DYRK3: variants seen among roughly 807,000 people sequenced by gnomAD.
The protein encoded by DYRK3 is dual specificity tyrosine-phosphorylation-regulated kinase 3.
A neutral mutation model predicts 40.8 loss-of-function variants in DYRK3; 30 were observed. The ratio of observed to expected loss-of-function variants is 0.74; its 90% CI spans 0.55 to 1.00. The LOEUF is 1.00. DYRK3 is among the 50% of genes least tolerant of loss of function. The pLI is 0.00. For synonymous variants in DYRK3, 272 were observed against 260.7 expected, an observed-to-expected ratio of 1.04 and a Z score of -0.42; for missense variants, 699 against 731.5, an observed-to-expected ratio of 0.96 and a Z score of 0.51.
chr1:206,636,043 C>A, intron 1 of DYRK3: 1 of 1,481,668 alleles, frequency 6.7e-7, no homozygotes, highest in African/African-American at 1.4e-5. Flanking sequence ...CCTCTGAAAC[C>A]CTAGATCGGG....
intron 2 of DYRK3, among the ~76,000 whole-genome samples, chr1:206,642,926 A>G (rs1489994147): frequency 6.6e-6 from 1 of 151,434 alleles, no homozygotes; most frequent in East Asian, 1.9e-4. Flanking sequence ...ACTTATAATA[A>G]TAATAATAAA....
rs1373662841 is a variant in DYRK3, at chr1:206,652,984, A to C, written c.*4019A>C. Among the ~76,000 whole-genome samples, 1 of 152,186 alleles carries C rather than the reference A, an allele frequency of 6.6e-6. No homozygotes were observed. Among genetic ancestry groups the C allele is most frequent in the Non-Finnish European group, 1.5e-5 (1 of 68,040 alleles). On this transcript the variant is annotated 3_prime_UTR_variant, in exon 3 of 3. Coordinates refer to ENST00000367109, the MANE Select transcript of DYRK3 (RefSeq NM_003582.4). ...TTTCTGACACGGTGAGAGTTGGGTT[A>C]GAATTTTTATTTCATTCCCCAAGTC...
At chr1:206,639,793 T>C (rs1553419017) in intron 2 of DYRK3, among the ~76,000 whole-genome samples, 1 of 152,016 alleles carries the variant, frequency 6.6e-6, no homozygotes, top group African/African-American at 2.4e-5. Flanking sequence ...AGTTAGCCGA[T>C]GCTATTTACC....
intron 1 of DYRK3, chr1:206,636,741 C>G: frequency 2.1e-6 from 1 of 487,534 alleles, no homozygotes; most frequent in Non-Finnish European, 3.7e-6. Context: ...CATAGTGTAT[C>G]ATGTAAAATG....
In DYRK3 at chr1:206,639,213, C is replaced by T. The variant is rs1271230698; in HGVS notation, c.189+1452C>T. Among the ~76,000 whole-genome samples, 7 of 152,010 alleles carry T rather than the reference C, an allele frequency of 4.6e-5. No homozygotes were observed. The East Asian group carries it at 9.7e-4, about 21-fold the overall frequency. On this transcript the variant is annotated intron_variant, in intron 2 of 2. Transcript: ENST00000367109. The stretch of plus-strand genomic sequence containing the variant: ...CTTTCAACACTAGTAGTATACAAAA[C>T]GTGAGCTAAAAATATTTTGAAGGCT...
chr1:206,639,715 T>C (rs12073237), intron 2 of DYRK3, among the ~76,000 whole-genome samples: 122,503 of 151,856 alleles, frequency 0.81, 49,672 homozygotes, highest in Non-Finnish European at 0.84. Flanking sequence ...CCACCTCAGC[T>C]CCCCAAAGTG....
In DYRK3 at chr1:206,651,184, C is replaced by T. The variant is rs1553421258; in HGVS notation, c.*2219C>T. Among the ~76,000 whole-genome samples, 8 of 152,180 alleles carry T rather than the reference C, an allele frequency of 5.3e-5. No homozygotes were observed. Among genetic ancestry groups the T allele is most frequent in the Non-Finnish European group, 1.5e-5 (1 of 68,040 alleles). On this transcript the variant is annotated 3_prime_UTR_variant, in exon 3 of 3. Coordinates refer to ENST00000367109, the MANE Select transcript of DYRK3 (RefSeq NM_003582.4). ...CTAAATGCTGCTCATAACCCATCCT[C>T]CTCTTCTTTATTCATCACTGCCTTC...
At position 206,651,543 on chromosome 1, in the gene DYRK3, CA is replaced by C. The variant is rs1221798400; in HGVS notation, c.*2584del. Among the ~76,000 whole-genome samples, 1 of 152,160 alleles carries C rather than the reference CA, an allele frequency of 6.6e-6. No homozygotes were observed. The highest frequency in any genetic ancestry group is 1.5e-5 in the Non-Finnish European group (1 of 68,034). ...TAGGGTGTAAAAGCTCATATCTACT[CA>C]AAAAACTCAAATCTACTCTTTCAGT... On this transcript the variant is annotated 3_prime_UTR_variant, in exon 3 of 3. Coordinates refer to ENST00000367109, the MANE Select transcript of DYRK3 (RefSeq NM_003582.4).
intron 2 of DYRK3, among the ~76,000 whole-genome samples, chr1:206,639,750 G>A (rs1279372832): frequency 6.6e-6 from 1 of 151,014 alleles, no homozygotes; most frequent in Non-Finnish European, 1.5e-5. Flanking sequence ...GCAAGCCACC[G>A]CGCCCAGCCA....
At position 206,652,808 on chromosome 1, in the gene DYRK3, A is replaced by G. The variant is rs1312215764; in HGVS notation, c.*3843A>G. Reference sequence around the variant, plus strand: ...CCCAGCCATAGCAATGAGTGACTGAATTGGATCAGAGTTAGTACAGAAATT... The same window carrying G: ...CCCAGCCATAGCAATGAGTGACTGAGTTGGATCAGAGTTAGTACAGAAATT... On this transcript the variant is annotated 3_prime_UTR_variant, in exon 3 of 3. Transcript: ENST00000367109. Among the ~76,000 whole-genome samples, 4 of 152,156 alleles carry G rather than the reference A, an allele frequency of 2.6e-5. No homozygotes were observed. The highest frequency in any genetic ancestry group is 1.3e-4 in the Admixed American group (2 of 15,280).
rs1174285003 is a variant in DYRK3 at position 206,651,054 on chromosome 1, TG to T, written c.*2090del. Among the ~76,000 whole-genome samples the T allele has an allele frequency of 6.6e-6, 1 of 152,256 alleles. No homozygotes were observed. Among genetic ancestry groups the T allele is most frequent in the African/African-American group, 2.4e-5 (1 of 41,472 alleles). ...AATTTTCTTTCTTTTTTTCTAAGTC[TG>T]CATCCTATCTCTTGATTCCATTGCC... On this transcript the variant is annotated 3_prime_UTR_variant, in exon 3 of 3. Coordinates refer to ENST00000367109, the MANE Select transcript of DYRK3 (RefSeq NM_003582.4).
At chr1:206,643,665 G>C (rs547684559) in intron 2 of DYRK3, among the ~76,000 whole-genome samples, 1 of 152,180 alleles carries the variant, frequency 6.6e-6, no homozygotes, top group Non-Finnish European at 1.5e-5. Context: ...CATGTTTTAT[G>C]TGGGGAGAAA....
Position 206,650,642 on chromosome 1 carries a change from G to C in DYRK3, c.*1677G>C, listed in dbSNP as rs1671607563. On this transcript the variant is annotated 3_prime_UTR_variant, in exon 3 of 3. Transcript: ENST00000367109. ...GTTCCATTTATTATTCTAGAATGTG[G>C]TGCAAACTCAATGACATTGGAAGAG... is the stretch of plus-strand genomic sequence containing the variant. Among the ~76,000 whole-genome samples the C allele has an allele frequency of 6.6e-6, 1 of 152,192 alleles. No individual in the cohort carries two copies. The highest frequency in any genetic ancestry group is 1.5e-5 in the Non-Finnish European group (1 of 68,038).
chr1:206,645,130 C>T (rs936843667), intron 2 of DYRK3, among the ~76,000 whole-genome samples: 1 of 152,162 alleles, frequency 6.6e-6, no homozygotes, highest in Admixed American at 6.5e-5. Context: ...GGTATGCCAA[C>T]ACTTAAATTT....
chr1:206,648,574 A>C lies in DYRK3; in HGVS notation c.1376A>C (p.Asp459Ala), dbSNP rs1298036111. 1 of 1,614,112 alleles carries C rather than the reference A, an allele frequency of 6.2e-7. No homozygotes were observed. The highest frequency in any genetic ancestry group is 8.5e-7 in the Non-Finnish European group (1 of 1,180,002). Residue 459 changes from aspartate (D) to alanine (A), a missense_variant, in exon 3 of 3, where the codon GAT (aspartate) becomes GCT (alanine). Transcript: ENST00000367109. ...PRYCSVTTQA[D>A]GRVVLVGGRS... Reference sequence around the variant, plus strand: ...TACTGCTCTGTGACTACCCAGGCAGATGGGAGGGTTGTGCTTGTGGGGGGT... The same window carrying C: ...TACTGCTCTGTGACTACCCAGGCAGCTGGGAGGGTTGTGCTTGTGGGGGGT...
At chr1:206,637,222 G>A (rs1422145644) in intron 1 of DYRK3, among the ~76,000 whole-genome samples, 1 of 152,068 alleles carries the variant, frequency 6.6e-6, no homozygotes, top group Non-Finnish European at 1.5e-5. Context: ...GCTCAGAGGA[G>A]AAGGTAGCAC....
In DYRK3 at chr1:206,635,569, G is replaced by A. The variant is rs201554456; in HGVS notation, c.-135G>A. The stretch of plus-strand genomic sequence containing the variant: ...GCCGGGGCCAGTCGGGAGCGAAAGT[G>A]CGCTGAGCTGCAGTGTCTGGTCGAG... On this transcript the variant is annotated 5_prime_UTR_variant, in exon 1 of 3. Transcript: ENST00000367109. 2.3e-4 allele frequency: 264 copies of A among 1,128,698 alleles called. 1 individual carries two copies. Among genetic ancestry groups the A allele is most frequent in the Non-Finnish European group, 2.7e-4 (245 of 894,122 alleles). The allele number at this position is 1,128,698 out of a possible 1,614,324, so 69.9% of individuals were successfully genotyped here. A position where few individuals can be genotyped will look rare whatever the true frequency, so the allele number is the denominator to read the frequency against.
At chr1:206,642,702 T>C (rs1671325669) in intron 2 of DYRK3, among the ~76,000 whole-genome samples, 2 of 152,072 alleles carry the variant, frequency 1.3e-5, no homozygotes, top group Admixed American at 1.3e-4. Context: ...CCACATGTTC[T>C]CACTCATAGG....
intron 1 of DYRK3, chr1:206,636,846 TC>T: frequency 6.8e-7 from 1 of 1,479,776 alleles, no homozygotes; most frequent in Non-Finnish European, 9.2e-7. Context: ...ATTAAATAAA[TC>T]CTCTCCGTCT....
Sources: allele counts gnomAD v4.1 joint callset (sites outside exome capture counted in the v4.1 genomes callset), GRCh38; gene constraint gnomAD v4.1.1; transcripts MANE v1.5; gene names NCBI Gene and HGNC (gene_info 2026-07-23, HGNC 2026-07-21).